BIRC6: variants seen among roughly 807,000 people sequenced by gnomAD.
The protein encoded by BIRC6 is dual E2 ubiquitin-conjugating enzyme/E3 ubiquitin-protein ligase BIRC6.
Under a neutral mutation model 503.3 loss-of-function variants are expected in BIRC6, and 98 were observed. The ratio of observed to expected loss-of-function variants is 0.19; its 90% CI spans 0.17 to 0.23. The LOEUF is 0.23. BIRC6 is among the 10% of genes least tolerant of loss of function. The pLI, the probability that BIRC6 is intolerant of heterozygous loss-of-function variation, is 1.00. For synonymous variants in BIRC6, 2,240 were observed against 2,078.7 expected (o/e 1.08, Z -2.11); for missense variants, 5,360 against 5,806.0 (o/e 0.92, Z 2.50).
At chr2:32,399,683 G>C (rs2149712021) in intron 6 of BIRC6, among the ~76,000 whole-genome samples, 1 of 152,308 alleles carries the variant, frequency 6.6e-6, no homozygotes, top group Non-Finnish European at 1.5e-5. Flanking sequence ...GCAGATAGGT[G>C]CTAAGTTGAT....
intron 59 of BIRC6, chr2:32,528,787 T>C (rs996983279): frequency 6.6e-6 from 1 of 152,162 alleles, no homozygotes; most frequent in Admixed American, 6.6e-5. Flanking sequence ...ACAAACTTTA[T>C]TACAGGCACA....
At chr2:32,504,060 G>A (rs1007016690) in intron 49 of BIRC6, among the ~76,000 whole-genome samples, 1 of 149,232 alleles carries the variant, frequency 6.7e-6, no homozygotes, top group Non-Finnish European at 1.5e-5. Flanking sequence ...GTGTGTGTGT[G>A]TGTGTGTGTG....
intron 3 of BIRC6, 48 bp downstream of exon 3, chr2:32,380,338 AC>A: frequency 6.5e-7 from 1 of 1,527,692 alleles, no homozygotes; most frequent in Admixed American, 2.4e-5. Context: ...TACAATGGAC[AC>A]CTCCATTCTT....
At position 32,479,549 on chromosome 2, in the gene BIRC6, A is replaced by G; in HGVS notation, c.7340A>G (p.Asp2447Gly). The part of the protein sequence containing the change: ...DVGATAGDSD[D>G]SLQQSSVQLL... ...GGTGCGACAGCTGGTGACTCTGATG[A>G]CTCCCTTCAACAGTCCTCAGTTCAG... The change falls in exon 37 of 74, where the codon GAC (aspartate) becomes GGC (glycine). Residue 2447 changes from aspartate to glycine, a missense_variant. Asp to Gly is a moderately conservative substitution (Grantham distance 94). Coordinates refer to ENST00000421745, the MANE Select transcript of BIRC6 (RefSeq NM_016252.4). 6.2e-7 allele frequency: 1 copy of G among 1,608,446 alleles called. No homozygotes were observed. The highest frequency in any genetic ancestry group is 8.5e-7 in the Non-Finnish European group (1 of 1,177,128).
chr2:32,616,040 T>G (rs1375063900), intron 73 of BIRC6, among the ~76,000 whole-genome samples: 1 of 152,128 alleles, frequency 6.6e-6, no homozygotes. Context: ...CACTCCCAAT[T>G]AACATGCCTA....
intron 3 of BIRC6, among the ~76,000 whole-genome samples, chr2:32,387,955 G>A (rs909664113): frequency 6.6e-6 from 1 of 151,998 alleles, no homozygotes; most frequent in Non-Finnish European, 1.5e-5. Context: ...TATTTATGAG[G>A]TATAATGTGA....
chr2:32,604,896 T>TTTTC (rs1491129936), intron 71 of BIRC6, among the ~76,000 whole-genome samples: 3 of 51,034 alleles, frequency 5.9e-5, no homozygotes, highest in African/African-American at 1.6e-4. Flanking sequence ...TTTTCTTTTC[T>TTTTC]TTTTTTTTTT....
chr2:32,504,034 T>TTGTGTGTGTGTGTGTG (rs556051105), intron 49 of BIRC6, among the ~76,000 whole-genome samples: 91 of 78,250 alleles, frequency 1.2e-3, no homozygotes, highest in Admixed American at 7.6e-3. Flanking sequence ...GGGGGGGTGT[T>TTGTGTGTGTGTGTGTG]TGTGTGTGTG....
At chr2:32,484,235 C>A (rs1396326559) in intron 39 of BIRC6, among the ~76,000 whole-genome samples, 2 of 151,184 alleles carry the variant, frequency 1.3e-5, no homozygotes, top group Admixed American at 1.3e-4. Flanking sequence ...CTATAACTAT[C>A]CTGTTCCTCA....
At chr2:32,561,590 C>G (rs946213893) in intron 65 of BIRC6, among the ~76,000 whole-genome samples, 3 of 151,422 alleles carry the variant, frequency 2.0e-5, no homozygotes, top group Non-Finnish European at 4.4e-5. Context: ...AATTTGAAAT[C>G]GTTCGATTTC....
intron 10 of BIRC6, among the ~76,000 whole-genome samples, chr2:32,421,029 A>G (rs1462943183): frequency 3.3e-5 from 4 of 119,544 alleles, no homozygotes; most frequent in Non-Finnish European, 5.4e-5. Context: ...CTGGATTTCC[A>G]TTTTATTGTT....
intron 66 of BIRC6, among the ~76,000 whole-genome samples, chr2:32,578,121 C>G (rs941188337): frequency 1.3e-5 from 2 of 152,110 alleles, no homozygotes; most frequent in African/African-American, 4.8e-5. Flanking sequence ...TAAGACGGCA[C>G]CGGTAAAGAC....
At chr2:32,491,669 G>T in intron 44 of BIRC6, 111 bp downstream of exon 44, 1 of 1,127,220 alleles carries the variant, frequency 8.9e-7, no homozygotes, top group Admixed American at 2.6e-5. Context: ...AGCCTTTTAT[G>T]TATCAATATA....
At chr2:32,443,421 C>T (rs1187402074) in intron 19 of BIRC6, 70 bp from the exon 20 acceptor site, 2 of 1,049,902 alleles carry the variant, frequency 1.9e-6, no homozygotes, top group Non-Finnish European at 2.8e-6. Context: ...TTAGGTACCA[C>T]ACCAGGTTTA....
intron 1 of BIRC6, among the ~76,000 whole-genome samples, chr2:32,367,098 T>C (rs2035051987): frequency 6.6e-6 from 1 of 151,992 alleles, no homozygotes; most frequent in Admixed American, 6.6e-5. Context: ...AGATACAAAC[T>C]GCAAAAAGAA....
intron 36 of BIRC6, among the ~76,000 whole-genome samples, chr2:32,479,257 A>G (rs537228324): frequency 1.3e-5 from 2 of 152,334 alleles, no homozygotes; most frequent in East Asian, 1.9e-4. Flanking sequence ...TTATGTGTTT[A>G]CTGGATACTT....
intron 65 of BIRC6, among the ~76,000 whole-genome samples, chr2:32,573,347 G>A (rs958714014): frequency 3.3e-5 from 5 of 152,072 alleles, no homozygotes; most frequent in African/African-American, 1.2e-4. Flanking sequence ...ACAGACCTGT[G>A]CCGCCATGCC....
chr2:32,537,395 A>C (rs2057321894), intron 61 of BIRC6, among the ~76,000 whole-genome samples: 1 of 152,204 alleles, frequency 6.6e-6, no homozygotes. Flanking sequence ...AAAAGAAGAG[A>C]AATAATAACA....
At chr2:32,558,213 T>A (rs1353908356) in intron 65 of BIRC6, among the ~76,000 whole-genome samples, 1 of 152,172 alleles carries the variant, frequency 6.6e-6, no homozygotes, top group Non-Finnish European at 1.5e-5. Context: ...AATGAAAATG[T>A]AGAAGTTAGA....
Sources: gnomAD v4.1 joint callset for allele counts (sites outside exome capture counted in the v4.1 genomes callset) on GRCh38, gnomAD v4.1.1 for gene constraint, MANE v1.5 for transcripts, NCBI Gene and HGNC (gene_info 2026-07-23, HGNC 2026-07-21) for gene names.